The following ANO1 variants were observed in gnomAD, a reference collection of about 807,000 sequenced individuals.
ANO1 encodes the protein anoctamin 1.
ANO1 carries 59 observed loss-of-function variants against 124.0 expected under a neutral mutation model. That is an observed-to-expected ratio of 0.48 (90% CI 0.39 to 0.59). The LOEUF is 0.59. Among genes scored for constraint, ANO1 ranks in the 20% least tolerant of loss-of-function variants. ANO1 has a pLI of 0.00. For missense variants in ANO1, 1,059 were observed against 1,328.0 expected (o/e 0.80, Z 3.15); for synonymous variants, 529 against 532.0 (o/e 0.99, Z 0.08).
intron 1 of ANO1, among the ~76,000 whole-genome samples, chr11:70,051,678 A>G (rs1038417889): frequency 2.6e-5 from 4 of 152,238 alleles, no homozygotes; most frequent in Non-Finnish European, 5.9e-5. Context: ...TCATAGGCAT[A>G]TGGATCATGT....
intron 2 of ANO1, among the ~76,000 whole-genome samples, chr11:70,089,932 G>A (rs1215796414): frequency 6.6e-6 from 1 of 152,232 alleles, no homozygotes; most frequent in Non-Finnish European, 1.5e-5. Flanking sequence ...TCTGGGAGCT[G>A]AGGCCGAGAG....
rs1370046168 is a variant in ANO1 at position 70,087,736 on chromosome 11, T to C, written c.109-16T>C. ...GCAGCTCGATGGTGAATGGGTGTCT[T>C]TTCTTCCACCCTTAGCTGCTGAACT... On this transcript the variant is annotated splice_polypyrimidine_tract_variant and intron_variant, in intron 1 of 25. Coordinates refer to ENST00000355303, the MANE Select transcript of ANO1 (RefSeq NM_018043.7). 2.6e-6 allele frequency: 4 copies of C among 1,563,910 alleles called. No homozygotes were observed. The African/African-American group carries it at 5.4e-5, about 21-fold the overall frequency.
At chr11:70,008,506 T>C (rs926518814) in intron 1 of ANO1, among the ~76,000 whole-genome samples, 8 of 152,218 alleles carry the variant, frequency 5.3e-5, no homozygotes, top group Admixed American at 2.0e-4. Flanking sequence ...ATTGTCCTTT[T>C]CCCATTGAGT....
At chr11:70,123,500 G>A (rs972302049) in intron 8 of ANO1, among the ~76,000 whole-genome samples, 6 of 152,196 alleles carry the variant, frequency 3.9e-5, no homozygotes, top group Non-Finnish European at 7.3e-5. Context: ...GGCTCCAAGG[G>A]GTTCCCTCGT....
At chr11:69,979,757 A>G in the ANO1 span, among the ~76,000 whole-genome samples, 2 of 152,206 alleles carry the variant, frequency 1.3e-5, no homozygotes, top group Non-Finnish European at 2.9e-5. Context: ...AAGGGAGCCA[A>G]CGTGAAGTGG....
rs560393591 is a variant in ANO1 at position 70,119,714 on chromosome 11, G to A, written c.897+3215G>A. Among the ~76,000 whole-genome samples the A allele has an allele frequency of 8.8e-4, 133 of 151,772 alleles. 2 individuals are homozygous for A. The highest frequency in any genetic ancestry group is 2.4e-3 in the African/African-American group (100 of 41,328). ...AGGGGTGGGTGAATAGATGGATGCC[G>A]GAGGGATGAATAGTTAATGATGGTT... On this transcript the variant is annotated intron_variant, in intron 8 of 25. Coordinates refer to ENST00000355303, the MANE Select transcript of ANO1 (RefSeq NM_018043.7).
chr11:70,114,770 A>G (rs2045913912), intron 7 of ANO1, among the ~76,000 whole-genome samples: 1 of 152,126 alleles, frequency 6.6e-6, no homozygotes, highest in Non-Finnish European at 1.5e-5. Context: ...ATGGTGGCAC[A>G]TGCCTGTAAT....
At chr11:70,070,884 C>A (rs1289476276) in intron 1 of ANO1, among the ~76,000 whole-genome samples, 1 of 152,210 alleles carries the variant, frequency 6.6e-6, no homozygotes, top group Non-Finnish European at 1.5e-5. Context: ...AGTCCTGGAA[C>A]CCCTGCCCAG....
chr11:70,080,289 G>A (rs1439929671), intron 1 of ANO1, among the ~76,000 whole-genome samples: 2 of 152,234 alleles, frequency 1.3e-5, no homozygotes, highest in Admixed American at 6.5e-5. Context: ...CATCAGCTGG[G>A]AGGACAGTTA....
intron 2 of ANO1, among the ~76,000 whole-genome samples, chr11:70,097,403 C>A (rs1033450244): frequency 6.6e-6 from 1 of 152,222 alleles, no homozygotes; most frequent in Non-Finnish European, 1.5e-5. Flanking sequence ...GGAGCCAGGT[C>A]TTCCTATGCA....
At chr11:70,079,265 G>A (rs868240426) in intron 1 of ANO1, among the ~76,000 whole-genome samples, 72 of 152,236 alleles carry the variant, frequency 4.7e-4, no homozygotes, top group Non-Finnish European at 5.7e-4. Flanking sequence ...TGTGCCCAGG[G>A]CACTGGGCCT....
At chr11:69,986,410 C>G (rs970083637) in intron 1 of ANO1, among the ~76,000 whole-genome samples, 1 of 151,944 alleles carries the variant, frequency 6.6e-6, no homozygotes, top group Non-Finnish European at 1.5e-5. Flanking sequence ...AGACGACAGA[C>G]AGAGCCCCGG....
At chr11:70,102,489 C>T (rs567121845) in intron 2 of ANO1, among the ~76,000 whole-genome samples, 4 of 152,350 alleles carry the variant, frequency 2.6e-5, no homozygotes, top group Admixed American at 1.3e-4. Flanking sequence ...CCTTCAAGCC[C>T]ATGCACCAGG....
chr11:70,144,501 G>T (rs765440554), intron 11 of ANO1, among the ~76,000 whole-genome samples: 1 of 152,236 alleles, frequency 6.6e-6, no homozygotes, highest in Non-Finnish European at 1.5e-5. Context: ...ACCCTGATGA[G>T]ATCCCATGTA....
intron 11 of ANO1, among the ~76,000 whole-genome samples, chr11:70,134,064 A>T (rs1414197034): frequency 6.6e-6 from 1 of 151,836 alleles, no homozygotes; most frequent in Non-Finnish European, 1.5e-5. Context: ...GACCCTCCTC[A>T]CCCTGGAATC....
chr11:69,998,917 C>T (rs1231996329), intron 1 of ANO1, among the ~76,000 whole-genome samples: 1 of 151,754 alleles, frequency 6.6e-6, no homozygotes, highest in Non-Finnish European at 1.5e-5. Context: ...CATTGCACTG[C>T]AGCCTGGGCA....
intron 1 of ANO1, among the ~76,000 whole-genome samples, chr11:70,007,273 C>CTTTTTTTTTTTTTTTTTTT (rs71046569): frequency 7.4e-6 from 1 of 134,698 alleles, no homozygotes; most frequent in Non-Finnish European, 1.6e-5. Context: ...TCCTTTCTTT[C>CTTTTTTTTTTTTTTTTTTT]TTTTTTTTTT....
At position 70,045,331 on chromosome 11, in the gene ANO1, C is replaced by A. The variant is rs541368759; in HGVS notation, c.59-33211C>A. On this transcript the variant is annotated intron_variant, in intron 1 of 27. Coordinates refer to the ANO1 transcript ENST00000531349. The stretch of plus-strand genomic sequence containing the variant: ...TTGGTAGAAGTCCAACTCACAAGTA[C>A]TCTAGAAGCAAAATTTCTGAAACTG... Among the ~76,000 whole-genome samples, 3 of 152,300 alleles carry A rather than the reference C, an allele frequency of 2.0e-5. No homozygotes were observed. The South Asian group carries it at 6.2e-4, about 32-fold the overall frequency.
intron 6 of ANO1, among the ~76,000 whole-genome samples, chr11:70,109,000 TC>T (rs1327050964): frequency 7.9e-5 from 12 of 152,150 alleles, no homozygotes; most frequent in African/African-American, 2.9e-4. Context: ...CCACAGTGGG[TC>T]CCTTGCCCAC....
Sources: gnomAD v4.1 joint callset for allele counts (sites outside exome capture counted in the v4.1 genomes callset) on GRCh38, gnomAD v4.1.1 for gene constraint, MANE v1.5 for transcripts, NCBI Gene and HGNC (gene_info 2026-07-23, HGNC 2026-07-21) for gene names.